Variants in SEMA6A observed in about 807,000 individuals in gnomAD.
SEMA6A encodes the protein semaphorin 6A.
A neutral mutation model predicts 96.8 loss-of-function variants in SEMA6A; 25 were observed. That is an observed-to-expected ratio of 0.26 (90% CI 0.19 to 0.36). SEMA6A has a LOEUF of 0.36. Ranked by LOEUF, SEMA6A falls within the 10% of genes least tolerant of loss-of-function variation. The pLI, the probability that SEMA6A is intolerant of heterozygous loss-of-function variation, is 1.00. For missense variants in SEMA6A, 1,363 were observed against 1,323.1 expected (o/e 1.03, Z -0.47); for synonymous variants, 612 against 518.0 (o/e 1.18, Z -2.46).
intron 4 of SEMA6A, 80 bp from the exon 5 acceptor site, chr5:116,496,393 G>A: frequency 8.6e-7 from 1 of 1,166,858 alleles, no homozygotes; most frequent in Non-Finnish European, 1.3e-6. Flanking sequence ...CCCTTGGGGA[G>A]ACTAAAGGCT....
chr5:116,573,216 C>G (rs774754406), intron 1 of SEMA6A, among the ~76,000 whole-genome samples: 5 of 152,196 alleles, frequency 3.3e-5, no homozygotes, highest in Non-Finnish European at 7.4e-5. Context: ...TGGTAGCGCC[C>G]TAGGACACAG....
In SEMA6A at chr5:116,488,176, C is replaced by T. The variant is rs777421401; in HGVS notation, c.676G>A (p.Val226Met). Reference protein sequence around the residue: ...WLKEPYFVQAVDYGDYIYFFF... With the variant: ...WLKEPYFVQAMDYGDYIYFFF... ...AAGTAGATATAATCTCCGTAATCCA[C>T]GGCTTGAACAAAGTATGGTTCTGTA... Residue 226 changes from valine (V) to methionine (M), a missense_variant, in exon 9 of 19, where the codon GTG becomes ATG. Physicochemically the swap from Val to Met is conservative, Grantham distance 21. Around this residue, in one of 2 missense-constraint regions of SEMA6A, gnomAD observed 480 missense variants for 559.5 expected, o/e 0.86. Transcript: ENST00000343348. 8.7e-6 allele frequency: 14 copies of T among 1,610,552 alleles called. No individual in the cohort carries two copies. Among genetic ancestry groups the T allele is most frequent in the African/African-American group, 6.7e-5 (5 of 74,882 alleles).
chr5:116,519,000 TA>T (rs58048781), intron 1 of SEMA6A, among the ~76,000 whole-genome samples: 10,971 of 145,600 alleles, frequency 0.075, 695 homozygotes, highest in African/African-American at 0.17. Context: ...TCCTAAGAGT[TA>T]AAAAAAAAAA....
At chr5:116,503,538 A>T (rs1292051437) in intron 2 of SEMA6A, among the ~76,000 whole-genome samples, 8 of 148,518 alleles carry the variant, frequency 5.4e-5, no homozygotes, top group Non-Finnish European at 1.2e-4. Flanking sequence ...TTTGAGACAG[A>T]GTCTCGCTCT....
Position 116,514,473 on chromosome 5 carries a change from T to G in SEMA6A, c.-38-9491A>C, listed in dbSNP as rs563200564. ...ACCCACTTTTTAATGGGGTTGTTTG[T>G]TTTTTTCTTGTAAACTTGTGTAAAC... On this transcript the variant is annotated intron_variant, in intron 1 of 18. Coordinates refer to ENST00000343348, the MANE Select transcript of SEMA6A (RefSeq NM_020796.5). Among the ~76,000 whole-genome samples, 201 of 152,286 alleles carry G rather than the reference T, an allele frequency of 1.3e-3. 1 individual carries two copies. The highest frequency in any genetic ancestry group is 4.5e-3 in the Admixed American group (69 of 15,300).
At chr5:116,450,140 A>G (rs1754530342) in intron 18 of SEMA6A, among the ~76,000 whole-genome samples, 1 of 152,264 alleles carries the variant, frequency 6.6e-6, no homozygotes, top group Non-Finnish European at 1.5e-5. Flanking sequence ...AACCCCCTAC[A>G]TATAATTGCA....
chr5:116,534,999 A>G (rs1759647653), intron 1 of SEMA6A, among the ~76,000 whole-genome samples: 1 of 152,270 alleles, frequency 6.6e-6, no homozygotes, highest in African/African-American at 2.4e-5. Context: ...GCATATACAT[A>G]AATCAGGCCT....
intron 18 of SEMA6A, among the ~76,000 whole-genome samples, chr5:116,464,081 C>T (rs374817777): frequency 2.0e-5 from 3 of 152,090 alleles, no homozygotes; most frequent in Non-Finnish European, 2.9e-5. Context: ...CTGTGGGAAG[C>T]GGTGGTGGAG....
At chr5:116,551,763 A>AACTTATC (rs1760421640) in intron 1 of SEMA6A, among the ~76,000 whole-genome samples, 1 of 152,232 alleles carries the variant, frequency 6.6e-6, no homozygotes, top group African/African-American at 2.4e-5. Context: ...TAGGTATCTC[A>AACTTATC]GAGGTCGTAA....
intron 11 of SEMA6A, among the ~76,000 whole-genome samples, chr5:116,481,241 AC>A (rs1384004901): frequency 6.6e-6 from 1 of 152,176 alleles, no homozygotes; most frequent in Non-Finnish European, 1.5e-5. Flanking sequence ...ATCTTTACAT[AC>A]CAAGGAGAGG....
At chr5:116,546,302 C>T (rs1239322757) in intron 1 of SEMA6A, among the ~76,000 whole-genome samples, 2 of 152,250 alleles carry the variant, frequency 1.3e-5, no homozygotes, top group African/African-American at 4.8e-5. Context: ...CTGAGACACT[C>T]TGATTGCTTT....
At chr5:116,549,889 T>G (rs941110282) in intron 1 of SEMA6A, among the ~76,000 whole-genome samples, 13 of 152,184 alleles carry the variant, frequency 8.5e-5, no homozygotes, top group African/African-American at 3.1e-4. Flanking sequence ...AAGTGCTACC[T>G]GTACGATCGG....
At chr5:116,478,476 C>A in intron 13 of SEMA6A, 66 bp downstream of exon 13, 1 of 1,435,696 alleles carries the variant, frequency 7.0e-7, no homozygotes, top group South Asian at 1.5e-5. Context: ...ATGATTTTCT[C>A]TGAATGAAAG....
intron 15 of SEMA6A, among the ~76,000 whole-genome samples, chr5:116,477,420 C>T (rs1756510867): frequency 1.3e-5 from 2 of 152,308 alleles, no homozygotes; most frequent in Admixed American, 6.5e-5. Context: ...CATTGCTTAA[C>T]AAATGTTCTG....
chr5:116,491,677 AT>A (rs1440093681), intron 7 of SEMA6A, 62 bp downstream of exon 7: 49 of 1,229,658 alleles, frequency 4.0e-5, no homozygotes, highest in Non-Finnish European at 5.7e-5. Context: ...TCTAGAGCAG[AT>A]TCACAGTGAC....
At chr5:116,495,354 C>A in intron 6 of SEMA6A, 59 bp downstream of exon 6, 1 of 1,269,146 alleles carries the variant, frequency 7.9e-7, no homozygotes, top group Non-Finnish European at 1.1e-6. Flanking sequence ...CAGGTACAAT[C>A]ACAGTAAATT....
At chr5:116,477,696 G>C in intron 15 of SEMA6A, 150 bp downstream of exon 15, 1 of 721,840 alleles carries the variant, frequency 1.4e-6, no homozygotes. Context: ...TCTATGAAAT[G>C]GGAAAGGGTA....
At chr5:116,453,374 C>T (rs1206366250) in intron 18 of SEMA6A, among the ~76,000 whole-genome samples, 1 of 152,200 alleles carries the variant, frequency 6.6e-6, no homozygotes, top group Non-Finnish European at 1.5e-5. Context: ...GCTCTGCATT[C>T]CCTTTATTCT....
chr5:116,570,650 A>G (rs1326472036), intron 1 of SEMA6A, among the ~76,000 whole-genome samples: 2 of 152,246 alleles, frequency 1.3e-5, no homozygotes, highest in African/African-American at 4.8e-5. Context: ...AGACTATATT[A>G]GCTCTTGGCA....
Sources: gnomAD v4.1 joint callset for allele counts (sites outside exome capture counted in the v4.1 genomes callset) on GRCh38, gnomAD v4.1.1 for gene constraint, gnomAD v4.1.1 regional missense constraint, MANE v1.5 for transcripts, NCBI Gene and HGNC (gene_info 2026-07-23, HGNC 2026-07-21) for gene names.